CACNA2D2: variants seen among roughly 807,000 people sequenced by gnomAD.
CACNA2D2 encodes calcium voltage-gated channel auxiliary subunit alpha2delta 2, also known as voltage-dependent calcium channel subunit alpha-2/delta-2.
CACNA2D2 carries 48 observed loss-of-function variants against 166.4 expected under a neutral mutation model. That is an observed-to-expected ratio of 0.29 (90% CI 0.23 to 0.37). CACNA2D2 has a LOEUF of 0.37. CACNA2D2 is among the 10% of genes least tolerant of loss of function. CACNA2D2 has a pLI of 1.00. For missense variants in CACNA2D2, 1,122 were observed against 1,433.0 expected (o/e 0.78, Z 3.50); for synonymous variants, 561 against 573.7 (o/e 0.98, Z 0.32).
chr3:50,386,190 A>T (rs1412364377), intron 5 of CACNA2D2, among the ~76,000 whole-genome samples: 1 of 152,120 alleles, frequency 6.6e-6, no homozygotes, highest in Non-Finnish European at 1.5e-5. Context: ...CTAGCCCCCC[A>T]ACAGAAGTCC....
chr3:50,421,693 A>G (rs535772960), intron 3 of CACNA2D2, among the ~76,000 whole-genome samples: 13 of 152,076 alleles, frequency 8.5e-5, no homozygotes, highest in Non-Finnish European at 1.6e-4. Flanking sequence ...ACTATCCCCC[A>G]GCAGGGCCAC....
intron 1 of CACNA2D2, among the ~76,000 whole-genome samples, 173 bp downstream of exon 1, chr3:50,503,045 G>A (rs1462353373): frequency 1.3e-5 from 2 of 152,176 alleles, no homozygotes; most frequent in African/African-American, 2.4e-5. Flanking sequence ...CCAGAGCGCC[G>A]GGACCGCGGC....
intron 2 of CACNA2D2, among the ~76,000 whole-genome samples, chr3:50,472,498 G>A (rs969379304): frequency 6.6e-6 from 1 of 152,184 alleles, no homozygotes. Flanking sequence ...CCAGGCAGAG[G>A]AGCTTCCCTC....
In CACNA2D2 at chr3:50,376,316, C is replaced by T; in HGVS notation, c.1627-128G>A. Reference sequence around the variant, plus strand: ...TGTTTGCCTGCCTTGGGCTAAGGGCCCCCCCATGCCACGTGGCCCTAAGCC... The same window carrying T: ...TGTTTGCCTGCCTTGGGCTAAGGGCTCCCCCATGCCACGTGGCCCTAAGCC... On this transcript the variant is annotated intron_variant, in intron 17 of 37. Transcript: ENST00000424201. The surrounding 1 kb of genome is among the most constrained non-coding windows in gnomAD (Gnocchi z 4.3). 13 of 981,114 alleles carry T rather than the reference C, an allele frequency of 1.3e-5. No individual in the cohort carries two copies. The highest frequency in any genetic ancestry group is 3.0e-5 in the South Asian group (2 of 65,938). The allele number at this position is 981,114 out of a possible 1,614,324, so 60.8% of individuals were successfully genotyped here.
Position 50,365,852 on chromosome 3 carries a change from G to A in CACNA2D2, c.2873C>T (p.Ala958Val), listed in dbSNP as rs1704238428. ...APRGVFVPTV[A>V]DFLNLAWWTS... is the part of the protein sequence containing the mutation. ...CCACCAGGCCAGGTTAAGGAAATCT[G>A]CAACGGTGGGCTGCAGTGGAGAGAG... The change falls in exon 33 of 38, where the codon GCA becomes GTA. Residue 958 changes from alanine to valine, a missense_variant. By Grantham distance (64) the Ala-to-Val change is moderately conservative (BLOSUM62 0). Transcript: ENST00000424201. The surrounding 1 kb of genome is among the most constrained non-coding windows in gnomAD (Gnocchi z 4.5). The A allele has an allele frequency of 3.1e-6, 5 of 1,613,134 alleles. No homozygotes were observed. In the African/African-American group the frequency reaches 6.7e-5, roughly 22 times the overall value.
Position 50,362,922 on chromosome 3 carries a change from G to A in CACNA2D2, c.*1744C>T. The A allele has an allele frequency of 2.5e-6, 1 of 395,490 alleles. No homozygotes were observed. Among genetic ancestry groups the A allele is most frequent in the East Asian group, 3.6e-5 (1 of 27,920 alleles). The allele number at this position is 395,490 out of a possible 1,614,324, so 24.5% of individuals were successfully genotyped here. On this transcript the variant is annotated 3_prime_UTR_variant, in exon 38 of 38. Transcript: ENST00000424201. The stretch of plus-strand genomic sequence containing the variant: ...GTTTCTTGACTTTTTTGTCGCTGTT[G>A]TTTTTCCAACTTGTCTGTACAAAAT...
chr3:50,446,465 C>T (rs1184842302), intron 2 of CACNA2D2, among the ~76,000 whole-genome samples: 3 of 152,232 alleles, frequency 2.0e-5, no homozygotes, highest in African/African-American at 7.2e-5. Context: ...CCTCCATCTC[C>T]CCAGCAGCTG....
At chr3:50,424,931 C>T (rs1247724635) in intron 3 of CACNA2D2, among the ~76,000 whole-genome samples, 1 of 152,110 alleles carries the variant, frequency 6.6e-6, no homozygotes, top group Non-Finnish European at 1.5e-5. Flanking sequence ...TATCCCCCTA[C>T]CTGGGTCTGT....
intron 1 of CACNA2D2, among the ~76,000 whole-genome samples, chr3:50,479,727 C>A (rs1697962100): frequency 6.6e-6 from 1 of 152,218 alleles, no homozygotes. Context: ...GTCCCTGCCC[C>A]CACTGGGTCA....
At chr3:50,494,605 C>T (rs1053822439) in intron 1 of CACNA2D2, among the ~76,000 whole-genome samples, 5 of 152,210 alleles carry the variant, frequency 3.3e-5, no homozygotes, top group African/African-American at 1.2e-4. Flanking sequence ...ACATAGACAT[C>T]TTGCCCTTCG....
At chr3:50,483,040 G>A (rs933400705) in intron 1 of CACNA2D2, among the ~76,000 whole-genome samples, 3 of 152,190 alleles carry the variant, frequency 2.0e-5, no homozygotes, top group African/African-American at 7.2e-5. Context: ...AGACCACAGA[G>A]GGGACACTGA....
At chr3:50,382,482 C>G (rs983025728) in intron 6 of CACNA2D2, among the ~76,000 whole-genome samples, 2 of 152,236 alleles carry the variant, frequency 1.3e-5, no homozygotes, top group South Asian at 4.1e-4. Context: ...GCCTCTGCTG[C>G]GTCCGCTGCC....
chr3:50,412,296 G>A (rs988417011), intron 3 of CACNA2D2, among the ~76,000 whole-genome samples: 21 of 152,264 alleles, frequency 1.4e-4, no homozygotes, highest in African/African-American at 5.1e-4. Context: ...GGCTGGCTGT[G>A]GGCCCTGCTC....
At chr3:50,398,639 G>T (rs780764418) in intron 3 of CACNA2D2, among the ~76,000 whole-genome samples, 21 of 152,132 alleles carry the variant, frequency 1.4e-4, no homozygotes, top group Non-Finnish European at 2.9e-4. Flanking sequence ...CACATCCTGG[G>T]GGGTAAGGGC....
chr3:50,403,061 C>T (rs920029752), intron 3 of CACNA2D2, among the ~76,000 whole-genome samples: 1 of 152,102 alleles, frequency 6.6e-6, no homozygotes, highest in Non-Finnish European at 1.5e-5. Flanking sequence ...CCACAGAGGC[C>T]AAGGTACCCA....
intron 3 of CACNA2D2, among the ~76,000 whole-genome samples, chr3:50,426,193 C>T (rs1707801664): frequency 6.6e-6 from 1 of 152,246 alleles, no homozygotes; most frequent in African/African-American, 2.4e-5. Context: ...CCAGGGTTGA[C>T]ATCTAGTCTC....
At chr3:50,439,946 C>T (rs1438705923) in intron 2 of CACNA2D2, among the ~76,000 whole-genome samples, 2 of 152,216 alleles carry the variant, frequency 1.3e-5, no homozygotes, top group African/African-American at 2.4e-5. Flanking sequence ...GCTAACCTGG[C>T]CTTCTGCCTC....
chr3:50,365,129 T>G lies in CACNA2D2; in HGVS notation c.3154A>C (p.Lys1052Gln). The G allele has an allele frequency of 6.2e-7, 1 of 1,612,116 alleles. No individual in the cohort carries two copies. Among genetic ancestry groups the G allele is most frequent in the South Asian group, 1.1e-5 (1 of 91,082 alleles). ...NTNLLFVVAE[K>Q]PLCSQCEAGR... ...GCCTCGCACTGGCTGCACAGCGGCTTCTCGGCCACCACAAAGAGAAGATTG... is the reference window on the plus strand; with the variant it reads ...GCCTCGCACTGGCTGCACAGCGGCTGCTCGGCCACCACAAAGAGAAGATTG... Residue 1052 changes from lysine to glutamine, a missense_variant, in exon 36 of 38, where the codon AAG becomes CAG. Transcript: ENST00000424201. The surrounding 1 kb of genome is among the most constrained non-coding windows in gnomAD (Gnocchi z 4.5).
chr3:50,389,321 GA>G (rs1053309079), intron 4 of CACNA2D2, among the ~76,000 whole-genome samples: 3 of 152,132 alleles, frequency 2.0e-5, no homozygotes, highest in African/African-American at 4.8e-5. Flanking sequence ...AACTGAGGGG[GA>G]AAAAATATCA....
Sources: allele counts gnomAD v4.1 joint callset (sites outside exome capture counted in the v4.1 genomes callset), GRCh38; gene constraint gnomAD v4.1.1; non-coding constraint Gnocchi (gnomAD v3.1); transcripts MANE v1.5; gene names NCBI Gene and HGNC (gene_info 2026-07-23, HGNC 2026-07-21).